NOL11: variants seen among roughly 807,000 people sequenced by gnomAD.
NOL11 encodes nucleolar protein 11.
A neutral mutation model predicts 93.0 loss-of-function variants in NOL11; 42 were observed. The observed-to-expected ratio is 0.45, with a 90% CI of 0.35 to 0.58. The LOEUF (loss-of-function observed/expected upper bound fraction) is 0.58. NOL11 is among the 20% of genes least tolerant of loss of function. The pLI is 0.00. For missense variants in NOL11, 775 were observed against 841.8 expected, an observed-to-expected ratio of 0.92 and a Z score of 0.98; for synonymous variants, 296 against 293.7, an observed-to-expected ratio of 1.01 and a Z score of -0.08.
Position 67,734,433 on chromosome 17 carries a change from T to C in NOL11, c.924T>C (p.Ser308=), listed in dbSNP as rs773425802. The C allele has an allele frequency of 6.3e-7, 1 of 1,598,324 alleles. No individual in the cohort carries two copies. The highest frequency in any genetic ancestry group is 1.1e-5 in the South Asian group (1 of 90,522). ...CAAAAGAGTTACCACAAGGGACCAG[T>C]GGTCAAGTAAGTTTTTTCACTTGAG... is the stretch of plus-strand genomic sequence containing the variant. ...QTSKELPQGT[S]GQLWYYGEHL... Residue 308 remains serine, a synonymous_variant, in exon 8 of 18, where the codon AGT becomes AGC. Transcript: ENST00000253247.
chr17:67,738,390 TTTATAGGATATAG>T (rs1447588537), intron 14 of NOL11, 35 bp downstream of exon 14: 1 of 1,407,356 alleles, frequency 7.1e-7, no homozygotes, highest in South Asian at 1.2e-5. Context: ...TCTGTTTCTC[TTTATAGGATATAG>T]TTATATGCCA....
rs760153881 is a variant in NOL11 at position 67,738,945 on chromosome 17, C to T, written c.1777C>T (p.His593Tyr). The T allele has an allele frequency of 2.2e-5, 36 of 1,609,686 alleles. No individual in the cohort carries two copies. In the Admixed American group the frequency reaches 5.7e-4, roughly 25 times the overall value. Residue 593 changes from histidine to tyrosine, a missense_variant, in exon 15 of 18, where the codon CAT becomes TAT. Coordinates refer to ENST00000253247, the MANE Select transcript of NOL11 (RefSeq NM_015462.5). ...TTTAGTCCTAAGTAATGCAATTCTTCATTCAGCATATAGCGAGACATTTCT... is the reference window on the plus strand; with the variant it reads ...TTTAGTCCTAAGTAATGCAATTCTTTATTCAGCATATAGCGAGACATTTCT... Reference protein sequence around the residue: ...KRAALLNAILHSAYSETFLLP... With the variant: ...KRAALLNAILYSAYSETFLLP...
chr17:67,728,925 T>A (rs2055124919), intron 7 of NOL11, among the ~76,000 whole-genome samples: 1 of 152,210 alleles, frequency 6.6e-6, no homozygotes, highest in Non-Finnish European at 1.5e-5. Context: ...TAACATAAAA[T>A]TAATCGTTTT....
intron 7 of NOL11, among the ~76,000 whole-genome samples, chr17:67,730,373 G>T (rs1396534482): frequency 1.3e-5 from 2 of 152,124 alleles, no homozygotes; most frequent in Non-Finnish European, 2.9e-5. Context: ...CCATTCTTCT[G>T]TCTCAGCTTT....
At chr17:67,725,444 G>A (rs1156590071) in intron 6 of NOL11, among the ~76,000 whole-genome samples, 2 of 152,080 alleles carry the variant, frequency 1.3e-5, no homozygotes, top group African/African-American at 4.8e-5. Context: ...CACCCTTCAT[G>A]GCTGCTTTTG....
At chr17:67,721,007 GT>G (rs751714938) in intron 3 of NOL11, among the ~76,000 whole-genome samples, 7 of 152,190 alleles carry the variant, frequency 4.6e-5, no homozygotes, top group Non-Finnish European at 1.0e-4. Flanking sequence ...GCAGGCTGTA[GT>G]TACAATTGTG....
At chr17:67,720,097 T>G in intron 3 of NOL11, 135 bp downstream of exon 3, 1 of 743,258 alleles carries the variant, frequency 1.3e-6, no homozygotes, top group Non-Finnish European at 2.0e-6. Context: ...TTCATTCTAA[T>G]TATCTTACAA....
intron 16 of NOL11, among the ~76,000 whole-genome samples, 197 bp downstream of exon 16, chr17:67,739,805 A>G (rs2055238193): frequency 6.6e-6 from 1 of 152,248 alleles, no homozygotes; most frequent in African/African-American, 2.4e-5. Flanking sequence ...ATAAATCTAC[A>G]CGACAGAATT....
intron 7 of NOL11, among the ~76,000 whole-genome samples, chr17:67,730,933 C>T (rs1015642493): frequency 1.3e-5 from 2 of 152,194 alleles, no homozygotes; most frequent in Non-Finnish European, 2.9e-5. Flanking sequence ...TCACACGTGG[C>T]TATTTTCCAT....
At chr17:67,734,958 T>C (rs2055187965) in intron 8 of NOL11, among the ~76,000 whole-genome samples, 1 of 152,244 alleles carries the variant, frequency 6.6e-6, no homozygotes, top group Non-Finnish European at 1.5e-5. Flanking sequence ...AGCTATTTAA[T>C]AAAACAGCTT....
At position 67,734,382 on chromosome 17, in the gene NOL11, C is replaced by T. The variant is rs756938023; in HGVS notation, c.873C>T (p.Asn291=). 2 of 1,603,536 alleles carry T rather than the reference C, an allele frequency of 1.2e-6. No individual in the cohort carries two copies. The highest frequency in any genetic ancestry group is 1.7e-6 in the Non-Finnish European group (2 of 1,170,830). ...TTATAGAATGCCTCTCTGTATGGAA[C>T]ATAAAATTTCAAACACTACAGACTT... is the stretch of plus-strand genomic sequence containing the variant. ...AASKECLSVW[N]IKFQTLQTSK... The change falls in exon 8 of 18, where the codon AAC becomes AAT. Residue 291 remains asparagine (N), a synonymous_variant. Coordinates refer to ENST00000253247, the MANE Select transcript of NOL11 (RefSeq NM_015462.5).
At position 67,733,396 on chromosome 17, in the gene NOL11, TTTC is replaced by T. The variant is rs747969093; in HGVS notation, c.854-958_854-956del. Among the ~76,000 whole-genome samples the T allele has an allele frequency of 1.3e-4, 20 of 152,244 alleles. 1 individual carries two copies. In the South Asian group the frequency reaches 4.2e-3, roughly 32 times the overall value. ...AACAAACAAAAATTGGATTTTTGTTTTTCTTCTTCTTGCCTGGCTAGAACTTGA... is the reference window on the plus strand; with the variant it reads ...AACAAACAAAAATTGGATTTTTGTTTTTCTTCTTGCCTGGCTAGAACTTGA... On this transcript the variant is annotated intron_variant, in intron 7 of 17. Coordinates refer to ENST00000253247, the MANE Select transcript of NOL11 (RefSeq NM_015462.5).
intron 16 of NOL11, among the ~76,000 whole-genome samples, chr17:67,740,236 A>C (rs1216303164): frequency 6.6e-6 from 1 of 151,804 alleles, no homozygotes; most frequent in Non-Finnish European, 1.5e-5. Flanking sequence ...TCTGTCCCAA[A>C]AAAAAAAAGC....
intron 16 of NOL11, among the ~76,000 whole-genome samples, chr17:67,742,993 G>A (rs1410980710): frequency 6.6e-6 from 1 of 152,188 alleles, no homozygotes; most frequent in East Asian, 1.9e-4. Context: ...TGTAGTCTTA[G>A]CACTTTGGGA....
At chr17:67,739,484 A>G (rs1347682165) in intron 15 of NOL11, 32 bp from the exon 16 acceptor site, 2 of 1,351,384 alleles carry the variant, frequency 1.5e-6, no homozygotes, top group Admixed American at 2.3e-5. Context: ...TTCTATCAAA[A>G]TGATAAACTA....
chr17:67,722,110 A>G (rs2143081664), intron 4 of NOL11, among the ~76,000 whole-genome samples: 1 of 152,370 alleles, frequency 6.6e-6, no homozygotes, highest in Non-Finnish European at 1.5e-5. Flanking sequence ...GACTGACCTG[A>G]TGAATCCCTC....
rs568396700 is a variant in NOL11, at chr17:67,723,370, A to ATTTTTTT, written c.520-648_520-642dup. Among the ~76,000 whole-genome samples the ATTTTTTT allele has an allele frequency of 3.3e-4, 20 of 60,774 alleles. 2 individuals are homozygous for ATTTTTTT. Among genetic ancestry groups the ATTTTTTT allele is most frequent in the African/African-American group, 1.2e-3 (18 of 15,586 alleles). 39.9% of individuals were successfully genotyped at this position (60,774 alleles called of 152,430 possible). A position where few individuals can be genotyped will look rare whatever the true frequency, so the allele number is the denominator to read the frequency against. On this transcript the variant is annotated intron_variant, in intron 5 of 17. Transcript: ENST00000253247. ...TCGTTATTCTCTCAGAAGATCTCTA[A>ATTTTTTT]TTTTTTTTTTTTTTTTTTTTTTTTT... is the stretch of plus-strand genomic sequence containing the variant.
chr17:67,721,888 C>A (rs2291283), intron 4 of NOL11, among the ~76,000 whole-genome samples: 1 of 152,134 alleles, frequency 6.6e-6, no homozygotes, highest in African/African-American at 2.4e-5. Flanking sequence ...AAGACCTCTG[C>A]TTTCCCAGAT....
At chr17:67,734,650 A>G (rs1243009212) in intron 8 of NOL11, among the ~76,000 whole-genome samples, 7 of 152,160 alleles carry the variant, frequency 4.6e-5, no homozygotes, top group Non-Finnish European at 1.5e-5. Flanking sequence ...ATATTTTGGC[A>G]GCTTTTCAAA....
Sources: gnomAD v4.1 joint callset for allele counts (sites outside exome capture counted in the v4.1 genomes callset) on GRCh38, gnomAD v4.1.1 for gene constraint, MANE v1.5 for transcripts, NCBI Gene and HGNC (gene_info 2026-07-23, HGNC 2026-07-21) for gene names.